Variants in SLC22A23 observed in about 807,000 individuals in gnomAD.
SLC22A23 encodes ion transporter protein.
Under a neutral mutation model 61.0 loss-of-function variants are expected in SLC22A23, and 26 were observed. The observed-to-expected ratio is 0.43, with a 90% CI of 0.31 to 0.59. The LOEUF is 0.59. Among genes scored for constraint, SLC22A23 ranks in the 20% least tolerant of loss-of-function variants. SLC22A23 has a pLI of 0.11. For synonymous variants in SLC22A23, 430 were observed against 413.9 expected (o/e 1.04, Z -0.47); for missense variants, 796 against 934.7 (o/e 0.85, Z 1.94).
chr6:3,342,873 C>G lies in SLC22A23; in HGVS notation c.914-18871G>C, dbSNP rs912400368. ...CGGCAGGAGAGTGCAAAAAATGGCTCAGAGAAGAGGTTGGAATTTGGGGCT... is the reference window on the plus strand; with the variant it reads ...CGGCAGGAGAGTGCAAAAAATGGCTGAGAGAAGAGGTTGGAATTTGGGGCT... On this transcript the variant is annotated intron_variant, in intron 3 of 9. Transcript: ENST00000406686. The surrounding 1 kb of genome is among the most constrained non-coding windows in gnomAD (Gnocchi z 4.0). 6.6e-6 allele frequency among the ~76,000 whole-genome samples: 1 copy of G among 152,044 alleles called. No individual in the cohort carries two copies. The highest frequency in any genetic ancestry group is 1.5e-5 in the Non-Finnish European group (1 of 68,022).
chr6:3,348,571 G>A (rs776516891), intron 3 of SLC22A23, among the ~76,000 whole-genome samples: 2 of 152,132 alleles, frequency 1.3e-5, no homozygotes, highest in African/African-American at 2.4e-5. Flanking sequence ...CCCACCATTC[G>A]GCACTTACTA....
At chr6:3,276,242 C>T (rs569977529) in intron 9 of SLC22A23, among the ~76,000 whole-genome samples, 40 of 152,334 alleles carry the variant, frequency 2.6e-4, no homozygotes, top group African/African-American at 9.6e-4. Context: ...TCTGCATCCA[C>T]CATGGGCACA....
Position 3,410,331 on chromosome 6 carries a change from C to T in SLC22A23, c.770G>A (p.Arg257Gln), listed in dbSNP as rs781179173. The change falls in exon 3 of 10, where the codon CGG becomes CAG. Residue 257 changes from arginine (R) to glutamine (Q), a missense_variant. Transcript: ENST00000406686. The surrounding 1 kb of genome is among the most constrained non-coding windows in gnomAD (Gnocchi z 5.0). ...TGCIADWVGR[R>Q]PVLLFSIIFI... ...GATGATGGAAAACAGCAGCACAGGC[C>T]GCCGGCCGACCCTGCATATGGAGAG... 2.5e-5 allele frequency: 40 copies of T among 1,607,846 alleles called. No individual in the cohort carries two copies. The Admixed American group carries it at 3.4e-4, about 14-fold the overall frequency.
At position 3,327,218 on chromosome 6, in the gene SLC22A23, G is replaced by C. The variant is rs901525152; in HGVS notation, c.914-3216C>G. 1.3e-5 allele frequency among the ~76,000 whole-genome samples: 2 copies of C among 152,262 alleles called. No homozygotes were observed. Among genetic ancestry groups the C allele is most frequent in the Admixed American group, 1.3e-4 (2 of 15,294 alleles). On this transcript the variant is annotated intron_variant, in intron 3 of 9. Coordinates refer to ENST00000406686, the MANE Select transcript of SLC22A23 (RefSeq NM_015482.2). The surrounding 1 kb of genome is among the most constrained non-coding windows in gnomAD (Gnocchi z 4.1). ...GCCTTGGGCTTGAAAGGCAGGGAAT[G>C]ATGTCCCCAATCCAACTGCCCCTTC...
intron 4 of SLC22A23, chr6:3,323,528 T>C (rs1581691089): frequency 4.3e-6 from 2 of 462,864 alleles, no homozygotes; most frequent in Non-Finnish European, 4.0e-6. Context: ...TAAAAATTCA[T>C]GTCAGAATAA....
chr6:3,346,060 A>C (rs1764417751), intron 3 of SLC22A23, among the ~76,000 whole-genome samples: 1 of 152,144 alleles, frequency 6.6e-6, no homozygotes, highest in Non-Finnish European at 1.5e-5. Flanking sequence ...TCAGCATTTG[A>C]AATGTTCCAC....
intron 3 of SLC22A23, among the ~76,000 whole-genome samples, chr6:3,334,367 G>A (rs1171577653): frequency 3.3e-5 from 5 of 152,130 alleles, no homozygotes; most frequent in Admixed American, 6.5e-5. Flanking sequence ...CACCATGTTG[G>A]CCAGGCTGGT....
chr6:3,443,889 C>T (rs1470041752), intron 1 of SLC22A23, among the ~76,000 whole-genome samples: 3 of 152,206 alleles, frequency 2.0e-5, no homozygotes, highest in Non-Finnish European at 4.4e-5. Context: ...ACCGAGCTCA[C>T]TTCTGGAGAA....
At chr6:3,313,070 T>C (rs9328159) in intron 4 of SLC22A23, 57,881 of 151,976 alleles carry the variant, frequency 0.38, 11,373 homozygotes, top group East Asian at 0.59. Flanking sequence ...ACTTCCCCCT[T>C]GCAGGAGTCT....
chr6:3,278,184 A>C (rs558928058), intron 9 of SLC22A23, among the ~76,000 whole-genome samples: 1 of 152,350 alleles, frequency 6.6e-6, no homozygotes, highest in African/African-American at 2.4e-5. Flanking sequence ...GTTATGCAGC[A>C]ATAGAAAACC....
At chr6:3,287,535 C>CA (rs1760140636) in intron 6 of SLC22A23, among the ~76,000 whole-genome samples, 1 of 152,306 alleles carries the variant, frequency 6.6e-6, no homozygotes, top group East Asian at 1.9e-4. Flanking sequence ...AGCGGCAACT[C>CA]AGAGACGCAG....
chr6:3,388,526 T>C (rs7752428), intron 3 of SLC22A23, among the ~76,000 whole-genome samples: 50,815 of 151,990 alleles, frequency 0.33, 9,090 homozygotes, highest in East Asian at 0.53. Context: ...AAAATACAAT[T>C]ACCATATGAC....
chr6:3,287,546 C>G (rs553263619), intron 6 of SLC22A23, among the ~76,000 whole-genome samples: 1 of 152,274 alleles, frequency 6.6e-6, no homozygotes, highest in South Asian at 2.1e-4. Flanking sequence ...AGAGACGCAG[C>G]TTTTCTGGGC....
intron 3 of SLC22A23, among the ~76,000 whole-genome samples, chr6:3,373,918 C>T (rs1164861017): frequency 1.3e-5 from 2 of 152,236 alleles, no homozygotes; most frequent in Non-Finnish European, 2.9e-5. Flanking sequence ...AGCACTTTGA[C>T]GTTAACTCCA....
Position 3,360,718 on chromosome 6 carries a change from C to G in SLC22A23, c.914-36716G>C, listed in dbSNP as rs747886046. On this transcript the variant is annotated intron_variant, in intron 3 of 9. Transcript: ENST00000406686. This position sits in a 1 kb window ranked among gnomAD's most constrained non-coding sequence, Gnocchi z 4.6. Reference sequence around the variant, plus strand: ...AAAGAGGCCCTCAAGCTGGCCTGAGCCCCCAAGGGGTCCTCAGTGATGTCG... The same window carrying G: ...AAAGAGGCCCTCAAGCTGGCCTGAGGCCCCAAGGGGTCCTCAGTGATGTCG... Among the ~76,000 whole-genome samples the G allele has an allele frequency of 2.0e-5, 3 of 152,348 alleles. No homozygotes were observed. In the East Asian group the frequency reaches 5.8e-4, roughly 29 times the overall value.
intron 3 of SLC22A23, among the ~76,000 whole-genome samples, chr6:3,374,008 G>T (rs1766398407): frequency 6.6e-6 from 1 of 152,206 alleles, no homozygotes; most frequent in African/African-American, 2.4e-5. Flanking sequence ...GCACAAAAAG[G>T]TTAAGTATCT....
Position 3,286,934 on chromosome 6 carries a change from C to T in SLC22A23, c.1471G>A (p.Gly491Arg). The T allele has an allele frequency of 1.2e-6, 2 of 1,613,848 alleles. No homozygotes were observed. Among genetic ancestry groups the T allele is most frequent in the South Asian group, 2.2e-5 (2 of 91,062 alleles). Residue 491 changes from glycine (G) to arginine (R), a missense_variant, in exon 7 of 10, where the codon GGG becomes AGG. Transcript: ENST00000406686. The surrounding 1 kb of genome is among the most constrained non-coding windows in gnomAD (Gnocchi z 4.2). ...AAGAGCAGCAGCCCTCCCCTGCGCC[C>T]GAGGAATCGGACCACCACGCACATG... ...LAMCVVVRFL[G>R]RRGGLLLFMI...
At chr6:3,447,897 CT>C (rs56148243) in intron 1 of SLC22A23, among the ~76,000 whole-genome samples, 44 of 82,360 alleles carry the variant, frequency 5.3e-4, no homozygotes, top group Admixed American at 7.9e-4. Flanking sequence ...CTCTCTCTCT[CT>C]TTTTTTTTTT....
intron 3 of SLC22A23, among the ~76,000 whole-genome samples, chr6:3,378,199 TG>T (rs958647826): frequency 1.3e-5 from 2 of 152,214 alleles, no homozygotes; most frequent in African/African-American, 4.8e-5. Flanking sequence ...TCAGCTGACC[TG>T]GAAGCCTTTG....
Sources: gnomAD v4.1 joint callset for allele counts (sites outside exome capture counted in the v4.1 genomes callset) on GRCh38, gnomAD v4.1.1 for gene constraint, Gnocchi (gnomAD v3.1) non-coding constraint, MANE v1.5 for transcripts, NCBI Gene and HGNC (gene_info 2026-07-23, HGNC 2026-07-21) for gene names.